The following C11orf54 variants were observed in gnomAD, a reference collection of about 807,000 sequenced individuals.
C11orf54 encodes the protein beta-keto L-gulonate decarboxylase.
In C11orf54, 29 loss-of-function variants were observed where a neutral mutation model predicts 35.5. The observed-to-expected ratio is 0.82, with a 90% CI of 0.61 to 1.11. The LOEUF (loss-of-function observed/expected upper bound fraction) is 1.11. Ranked by LOEUF, C11orf54 falls within the 50% of genes most tolerant of loss-of-function variation. The pLI is 0.00. For synonymous variants in C11orf54, 108 were observed against 121.1 expected, an observed-to-expected ratio of 0.89 and a Z score of 0.71; for missense variants, 373 against 369.2, an observed-to-expected ratio of 1.01 and a Z score of -0.08.
At chr11:93,755,541 A>C in intron 6 of C11orf54, 155 bp downstream of exon 6, 1 of 733,326 alleles carries the variant, frequency 1.4e-6, no homozygotes, top group Non-Finnish European at 2.2e-6. Context: ...ACTTGAGGTC[A>C]GGAGTTCAAG....
intron 1 of C11orf54, among the ~76,000 whole-genome samples, chr11:93,743,125 C>G (rs1942226730): frequency 6.6e-6 from 1 of 151,600 alleles, no homozygotes; most frequent in African/African-American, 2.4e-5. Flanking sequence ...CTCAGCTTCC[C>G]AAGTAGCTGG....
chr11:93,757,100 G>C lies in C11orf54; in HGVS notation c.508-216G>C, dbSNP rs150125171. ...AAGAAAGCATGCTTAAGACTTACTA[G>C]TAAATTACATGTAACTGATAAGTAT... On this transcript the variant is annotated intron_variant, in intron 6 of 8. Coordinates refer to ENST00000354421, the MANE Select transcript of C11orf54 (RefSeq NM_001286069.2). Among the ~76,000 whole-genome samples the C allele has an allele frequency of 6.7e-4, 102 of 152,084 alleles. 1 individual carries two copies. In the East Asian group the frequency reaches 0.018, roughly 27 times the overall value.
chr11:93,753,833 T>A, intron 4 of C11orf54, 78 bp downstream of exon 4: 1 of 1,549,188 alleles, frequency 6.5e-7, no homozygotes, highest in East Asian at 2.2e-5. Context: ...TTAGAAGACC[T>A]GTTGATCAGT....
chr11:93,747,256 T>A (rs1157659428), intron 1 of C11orf54, 41 bp from the exon 2 acceptor site: 3 of 501,374 alleles, frequency 6.0e-6, no homozygotes, highest in Non-Finnish European at 1.0e-5. Flanking sequence ...AATGCCCTTT[T>A]GTTCTGTTTA....
At position 93,757,312 on chromosome 11, in the gene C11orf54, A is replaced by G. The variant is rs369291692; in HGVS notation, c.508-4A>G. On this transcript the variant is annotated splice_region_variant and splice_polypyrimidine_tract_variant and intron_variant, in intron 6 of 8. Transcript: ENST00000354421. ...AATGGTATGCATCTTTATGTCCTCTATAGGTAATTGAGGTGAAAGCCAAAA... is the reference window on the plus strand; with the variant it reads ...AATGGTATGCATCTTTATGTCCTCTGTAGGTAATTGAGGTGAAAGCCAAAA... 4 of 1,597,682 alleles carry G rather than the reference A, an allele frequency of 2.5e-6. No individual in the cohort carries two copies. The highest frequency in any genetic ancestry group is 1.3e-5 in the African/African-American group (1 of 74,982).
rs897263282 is a variant in C11orf54, at chr11:93,762,168, G to A, written c.*480G>A. ...GGAATCATGCAATTATTTCTACTAT[G>A]TATTTAGTAGTATCTTATATTTGTA... On this transcript the variant is annotated 3_prime_UTR_variant, in exon 9 of 9. Coordinates refer to ENST00000354421, the MANE Select transcript of C11orf54 (RefSeq NM_001286069.2). The A allele has an allele frequency of 1.3e-5, 2 of 151,990 alleles. No homozygotes were observed. The highest frequency in any genetic ancestry group is 4.8e-5 in the African/African-American group (2 of 41,374). The allele number at this position is 151,990 out of a possible 1,614,324, so 9.4% of individuals were successfully genotyped here. A position where few individuals can be genotyped will look rare whatever the true frequency, so the allele number is the denominator to read the frequency against.
chr11:93,763,211 C>G lies in C11orf54; in HGVS notation c.*1523C>G, dbSNP rs606357. On this transcript the variant is annotated 3_prime_UTR_variant, in exon 9 of 9. Transcript: ENST00000354421. ...ATGTGGGCAAGGGCCTTGTTCACGA[C>G]TGTAGCACTAGTGCCTTTAACTGCT... The G allele has an allele frequency of 0.35, 53,916 of 152,082 alleles. 9,692 individuals carry two copies. The highest frequency in any genetic ancestry group is 0.41 in the South Asian group (1,977 of 4,814). 9.4% of individuals were successfully genotyped at this position (152,082 alleles called of 1,614,324 possible).
At chr11:93,759,631 A>T (rs1014134423) in intron 7 of C11orf54, 111 bp from the exon 8 acceptor site, 1 of 450,604 alleles carries the variant, frequency 2.2e-6, no homozygotes, top group Non-Finnish European at 3.5e-6. Flanking sequence ...TGTAACCCAG[A>T]ACTTCAAGTA....
At chr11:93,755,769 A>AG (rs398017130) in intron 6 of C11orf54, among the ~76,000 whole-genome samples, 2 of 151,284 alleles carry the variant, frequency 1.3e-5, no homozygotes, top group African/African-American at 4.8e-5. Flanking sequence ...AAAAAAAAAA[A>AG]GAAAATTAGA....
intron 3 of C11orf54, among the ~76,000 whole-genome samples, chr11:93,751,820 C>CTTTTTTTTTTTT (rs35146074): frequency 1.2e-5 from 1 of 80,228 alleles, no homozygotes; most frequent in Admixed American, 1.8e-4. Flanking sequence ...AATGGTTAAT[C>CTTTTTTTTTTTT]TTTTTTTTTT....
chr11:93,751,725 G>C (rs1942841635), intron 3 of C11orf54, among the ~76,000 whole-genome samples: 1 of 151,222 alleles, frequency 6.6e-6, no homozygotes, highest in Non-Finnish European at 1.5e-5. Context: ...AAAAATATGA[G>C]TGTAATGTAT....
chr11:93,757,563 T>C (rs1943221578), intron 7 of C11orf54, 98 bp downstream of exon 7: 2 of 1,301,878 alleles, frequency 1.5e-6, no homozygotes, highest in Non-Finnish European at 1.0e-6. Flanking sequence ...GGATCCTTGC[T>C]CTGTTGCCCA....
chr11:93,755,473 GC>G, intron 6 of C11orf54, 87 bp downstream of exon 6: 1 of 1,452,404 alleles, frequency 6.9e-7, no homozygotes, highest in Non-Finnish European at 9.3e-7. Context: ...ATATGGTTTT[GC>G]TAAGAAAATT....
rs779067746 is a variant in C11orf54, at chr11:93,761,612, T to C, written c.872T>C (p.Leu291Pro). The part of the protein sequence containing the change: ...YDTTPDIVEY[L>P]GYFLPAEFLY... ...ACTACTCCAGATATAGTGGAATATC[T>C]TGGATACTTCTTACCTGCAGAGTTT... The change falls in exon 9 of 9, where the codon CTT (leucine) becomes CCT (proline). Residue 291 changes from leucine to proline, a missense_variant. Coordinates refer to ENST00000354421, the MANE Select transcript of C11orf54 (RefSeq NM_001286069.2). The C allele has an allele frequency of 6.2e-7, 1 of 1,613,550 alleles. No homozygotes were observed. The highest frequency in any genetic ancestry group is 1.7e-5 in the Admixed American group (1 of 59,938).
intron 3 of C11orf54, among the ~76,000 whole-genome samples, chr11:93,752,804 A>AG (rs1459110707): frequency 1.5e-5 from 2 of 134,136 alleles, no homozygotes; most frequent in Non-Finnish European, 3.0e-5. Flanking sequence ...GCTGGAGTGC[A>AG]GTGGCGCGAT....
intron 2 of C11orf54, among the ~76,000 whole-genome samples, chr11:93,748,964 T>C (rs1467993944): frequency 6.6e-6 from 1 of 151,242 alleles, no homozygotes; most frequent in Admixed American, 6.6e-5. Flanking sequence ...GCCAACATGG[T>C]GAAACCCTGT....
intron 1 of C11orf54, chr11:93,742,733 G>A (rs1942183519): frequency 6.6e-6 from 1 of 152,106 alleles, no homozygotes; most frequent in Non-Finnish European, 1.5e-5. Context: ...GACAATTCCG[G>A]GGATAAAAAG....
intron 1 of C11orf54, chr11:93,742,792 A>G (rs1028291530): frequency 1.3e-5 from 2 of 152,196 alleles, no homozygotes; most frequent in Non-Finnish European, 2.9e-5. Flanking sequence ...GGTCTGGGCA[A>G]TGACGAAGCT....
rs898845050 is a variant in C11orf54 at position 93,764,310 on chromosome 11, C to T, written c.*2622C>T. The T allele has an allele frequency of 1.3e-5, 2 of 152,124 alleles. No homozygotes were observed. Among genetic ancestry groups the T allele is most frequent in the Non-Finnish European group, 2.9e-5 (2 of 68,014 alleles). The allele number at this position is 152,124 out of a possible 1,614,324, so 9.4% of individuals were successfully genotyped here. A position where few individuals can be genotyped will look rare whatever the true frequency, so the allele number is the denominator to read the frequency against. Reference sequence around the variant, plus strand: ...GATCATCTGAAGCAGTCCTGGGCCTCTTCACACTACAGATACCAACACTGC... The same window carrying T: ...GATCATCTGAAGCAGTCCTGGGCCTTTTCACACTACAGATACCAACACTGC... On this transcript the variant is annotated 3_prime_UTR_variant, in exon 9 of 9. Coordinates refer to ENST00000354421, the MANE Select transcript of C11orf54 (RefSeq NM_001286069.2).
Sources: allele counts gnomAD v4.1 joint callset (sites outside exome capture counted in the v4.1 genomes callset), GRCh38; gene constraint gnomAD v4.1.1; transcripts MANE v1.5; gene names NCBI Gene and HGNC (gene_info 2026-07-23, HGNC 2026-07-21).